The following ESCO2 variants were observed in gnomAD, a reference collection of about 807,000 sequenced individuals.
ESCO2 encodes the protein N-acetyltransferase ESCO2.
A neutral mutation model predicts 61.7 loss-of-function variants in ESCO2; 51 were observed. The observed-to-expected ratio is 0.83, with a 90% CI of 0.66 to 1.04. The LOEUF is 1.04. ESCO2 is among the 50% of genes least tolerant of loss of function. The pLI is 0.00. For synonymous variants in ESCO2, 230 were observed against 238.2 expected (o/e 0.97, Z 0.32); for missense variants, 692 against 686.2 (o/e 1.01, Z -0.09).
chr8:27,792,072 T>C lies in ESCO2; in HGVS notation c.1353+20T>C. ...AAAAAGGTATGGAACATTATCTTTT[T>C]ATCTCTTGCCTTTCCCCACCCCCAA... On this transcript the variant is annotated intron_variant, in intron 8 of 10. Coordinates refer to ENST00000305188, the MANE Select transcript of ESCO2 (RefSeq NM_001017420.3). 1 of 1,612,820 alleles carries C rather than the reference T, an allele frequency of 6.2e-7. No individual in the cohort carries two copies. The highest frequency in any genetic ancestry group is 8.5e-7 in the Non-Finnish European group (1 of 1,178,840).
chr8:27,795,756 A>G (rs1311735376), intron 9 of ESCO2, among the ~76,000 whole-genome samples: 1 of 152,128 alleles, frequency 6.6e-6, no homozygotes, highest in African/African-American at 2.4e-5. Flanking sequence ...AGATGATCAT[A>G]TAGTTTTGTT....
At chr8:27,773,457 G>T (rs917220231), upstream of ESCO2, among the ~76,000 whole-genome samples, 5 of 150,612 alleles carry the variant, frequency 3.3e-5, no homozygotes, top group South Asian at 2.1e-4. Flanking sequence ...ATCCAAGCCT[G>T]CTGGTGGAGG....
At chr8:27,816,396 T>C (rs1805815954), downstream of ESCO2, among the ~76,000 whole-genome samples, 2 of 150,330 alleles carry the variant, frequency 1.3e-5, no homozygotes, top group Admixed American at 1.3e-4. Flanking sequence ...TATTTTTTTT[T>C]GAGATGGAAT....
At chr8:27,781,541 G>A (rs1054582305) in intron 4 of ESCO2, among the ~76,000 whole-genome samples, 1 of 150,534 alleles carries the variant, frequency 6.6e-6, no homozygotes, top group African/African-American at 2.4e-5. Context: ...TCAAAACTAA[G>A]AAACTTGTAT....
At chr8:27,800,634 C>G (rs969342591) in intron 10 of ESCO2, among the ~76,000 whole-genome samples, 3 of 152,024 alleles carry the variant, frequency 2.0e-5, no homozygotes, top group Non-Finnish European at 4.4e-5. Context: ...CATGTCCACA[C>G]AAAACCTTGC....
downstream of ESCO2, among the ~76,000 whole-genome samples, chr8:27,816,247 G>T (rs1318181046): frequency 2.0e-5 from 3 of 151,540 alleles, no homozygotes; most frequent in East Asian, 5.8e-4. Context: ...TCTGTCTCAT[G>T]TACTCTATAT....
chr8:27,803,547 C>CAT lies in ESCO2; in HGVS notation c.*111_*112dup, dbSNP rs1436654231. 3 of 1,262,924 alleles carry CAT rather than the reference C, an allele frequency of 2.4e-6. No individual in the cohort carries two copies. The highest frequency in any genetic ancestry group is 2.2e-5 in the African/African-American group (1 of 44,654). The allele number at this position is 1,262,924 out of a possible 1,614,324, so 78.2% of individuals were successfully genotyped here. Reference sequence around the variant, plus strand: ...AATAAAAAATACCGAGACTCACACTCATACACACACACACACACACGCACA... The same window carrying CAT: ...AATAAAAAATACCGAGACTCACACTCATATACACACACACACACACACGCACA... On this transcript the variant is annotated 3_prime_UTR_variant, in exon 11 of 11. Transcript: ENST00000305188.
At chr8:27,780,581 T>A (rs1804904164) in intron 4 of ESCO2, among the ~76,000 whole-genome samples, 1 of 152,240 alleles carries the variant, frequency 6.6e-6, no homozygotes, top group Non-Finnish European at 1.5e-5. Flanking sequence ...TACTCTATCT[T>A]TCACCCAAAA....
chr8:27,785,286 C>A (rs1805013437), intron 5 of ESCO2, among the ~76,000 whole-genome samples: 1 of 152,208 alleles, frequency 6.6e-6, no homozygotes, highest in African/African-American at 2.4e-5. Flanking sequence ...TATTAGGCCC[C>A]ACCTCCCAAA....
upstream of ESCO2, chr8:27,773,822 C>T (rs1222100686): frequency 1.3e-5 from 2 of 152,172 alleles, no homozygotes; most frequent in East Asian, 3.8e-4. Context: ...GAGCTGGTGA[C>T]ACAAAGATAG....
At chr8:27,811,224 A>C (rs1055485804), downstream of ESCO2, 4 of 1,052,492 alleles carry the variant, frequency 3.8e-6, no homozygotes, top group Non-Finnish European at 5.9e-6. Context: ...GATTTGAACA[A>C]GTAGTTCACA....
chr8:27,812,795 G>GCAAT (rs1175775970), downstream of ESCO2, among the ~76,000 whole-genome samples: 1 of 152,134 alleles, frequency 6.6e-6, no homozygotes, highest in Non-Finnish European at 1.5e-5. Flanking sequence ...AGTTAGAATG[G>GCAAT]CAATCATTAA....
At chr8:27,777,311 A>G (rs1337573512) in intron 3 of ESCO2, 142 bp downstream of exon 3, 5 of 777,432 alleles carry the variant, frequency 6.4e-6, no homozygotes, top group Non-Finnish European at 9.7e-6. Flanking sequence ...GAGTTTATTT[A>G]TTTATTTATT....
intron 9 of ESCO2, among the ~76,000 whole-genome samples, chr8:27,796,716 ACTG>A (rs1405421685): frequency 1.3e-5 from 2 of 152,122 alleles, no homozygotes; most frequent in Non-Finnish European, 2.9e-5. Flanking sequence ...CTAATTTTAT[ACTG>A]CTATGAATGT....
At position 27,804,500 on chromosome 8, in the gene ESCO2, A is replaced by G; in HGVS notation, c.*1062A>G. ...TACATAGGCTGGTGGATGAGAGACC[A>G]TGGAACTGTGTAAATACACTTAAAT... On this transcript the variant is annotated 3_prime_UTR_variant, in exon 11 of 11. Transcript: ENST00000305188. The G allele has an allele frequency of 2.0e-6, 2 of 985,452 alleles. No homozygotes were observed. Among genetic ancestry groups the G allele is most frequent in the Non-Finnish European group, 2.4e-6 (2 of 829,918 alleles). The allele number at this position is 985,452 out of a possible 1,614,324, so 61.0% of individuals were successfully genotyped here. A position where few individuals can be genotyped will look rare whatever the true frequency, so the allele number is the denominator to read the frequency against.
downstream of ESCO2, chr8:27,812,755 C>G (rs2128961259): frequency 6.6e-6 from 1 of 152,092 alleles, no homozygotes; most frequent in South Asian, 2.1e-4. Flanking sequence ...AAATGCAAAT[C>G]AAAACCACAA....
intron 4 of ESCO2, among the ~76,000 whole-genome samples, chr8:27,782,689 A>G (rs1428995570): frequency 2.7e-5 from 4 of 150,270 alleles, no homozygotes; most frequent in African/African-American, 9.7e-5. Flanking sequence ...CCCTTTGTAG[A>G]ATTCCATATA....
At chr8:27,802,656 TTATATA>T (rs1286592627) in intron 10 of ESCO2, among the ~76,000 whole-genome samples, 2 of 63,570 alleles carry the variant, frequency 3.1e-5, no homozygotes, top group Admixed American at 1.9e-4. Flanking sequence ...TATATATATA[TTATATA>T]TATATATATA....
chr8:27,784,768 G>A (rs956889939), intron 5 of ESCO2, among the ~76,000 whole-genome samples: 4 of 152,132 alleles, frequency 2.6e-5, no homozygotes, highest in African/African-American at 7.2e-5. Flanking sequence ...CTCTTCCTAA[G>A]CAGCTTTGAT....
Sources: allele counts gnomAD v4.1 joint callset (sites outside exome capture counted in the v4.1 genomes callset), GRCh38; gene constraint gnomAD v4.1.1; transcripts MANE v1.5; gene names NCBI Gene and HGNC (gene_info 2026-07-23, HGNC 2026-07-21).